PRDM16: variants seen among roughly 807,000 people sequenced by gnomAD.
The protein encoded by PRDM16 is histone-lysine N-methyltransferase PRDM16.
A neutral mutation model predicts 110.6 loss-of-function variants in PRDM16; 23 were observed. The ratio of observed to expected loss-of-function variants is 0.21; its 90% CI spans 0.15 to 0.29. The LOEUF (loss-of-function observed/expected upper bound fraction) is 0.29. PRDM16 is among the 10% of genes least tolerant of loss of function. PRDM16 has a pLI of 1.00. For missense variants in PRDM16, 1,615 were observed against 1,794.3 expected (o/e 0.90, Z 1.81); for synonymous variants, 799 against 781.8 (o/e 1.02, Z -0.37).
intron 3 of PRDM16, among the ~76,000 whole-genome samples, chr1:3,273,043 T>C (rs1640493517): frequency 6.6e-6 from 1 of 151,978 alleles, no homozygotes; most frequent in Non-Finnish European, 1.5e-5. Flanking sequence ...GCAGCCGGAG[T>C]CTGCGTGGGA....
intron 3 of PRDM16, among the ~76,000 whole-genome samples, chr1:3,320,416 T>C (rs1641713686): frequency 6.6e-6 from 1 of 152,210 alleles, no homozygotes; most frequent in Non-Finnish European, 1.5e-5. Context: ...CTGCAAAGGC[T>C]GTGTGCCCAG....
chr1:3,171,010 C>T (rs889213230), intron 1 of PRDM16, among the ~76,000 whole-genome samples: 2 of 152,252 alleles, frequency 1.3e-5, no homozygotes, highest in African/African-American at 4.8e-5. Flanking sequence ...AGCCTCGCTG[C>T]AGTCCCTAAG....
At chr1:3,293,151 G>T (rs1557586765) in intron 3 of PRDM16, among the ~76,000 whole-genome samples, 2 of 152,214 alleles carry the variant, frequency 1.3e-5, no homozygotes, top group East Asian at 3.8e-4. Context: ...GCTCAGACAC[G>T]TGTTGAGTGA....
At chr1:3,409,754 GGTGTGA>G (rs1557659442) in intron 8 of PRDM16, among the ~76,000 whole-genome samples, 2 of 134,750 alleles carry the variant, frequency 1.5e-5, no homozygotes, top group Admixed American at 7.3e-5. Context: ...GTGTGGTGTG[GGTGTGA>G]GTGTGTGTGG....
intron 3 of PRDM16, among the ~76,000 whole-genome samples, chr1:3,289,328 G>T (rs1257147038): frequency 6.6e-6 from 1 of 152,238 alleles, no homozygotes; most frequent in Non-Finnish European, 1.5e-5. Context: ...ATCTGCAGGT[G>T]GGCAAGCTCT....
chr1:3,429,870 T>A (rs1185431698), intron 14 of PRDM16, among the ~76,000 whole-genome samples: 1 of 151,918 alleles, frequency 6.6e-6, no homozygotes, highest in Non-Finnish European at 1.5e-5. Context: ...GACACGGAGG[T>A]CGGTCGCCGT....
In PRDM16 at chr1:3,360,612, G is replaced by T. The variant is rs557426899; in HGVS notation, c.439-24540G>T. 1.0e-3 allele frequency among the ~76,000 whole-genome samples: 154 copies of T among 152,324 alleles called. No homozygotes were observed. The East Asian group carries it at 0.011, about 11-fold the overall frequency. ...AGAGACCCCCGCTCACAGCAGAGGA[G>T]GAGGGCCATCAGAGCCAGGTGCCAC... On this transcript the variant is annotated intron_variant, in intron 3 of 16. Transcript: ENST00000270722.
intron 3 of PRDM16, among the ~76,000 whole-genome samples, chr1:3,248,294 C>A (rs1163443145): frequency 6.6e-6 from 1 of 152,226 alleles, no homozygotes; most frequent in African/African-American, 2.4e-5. Flanking sequence ...CATGGCCCGG[C>A]AGCCTTTCCC....
chr1:3,345,811 C>T (rs918534549), intron 3 of PRDM16, among the ~76,000 whole-genome samples: 2 of 74,352 alleles, frequency 2.7e-5, no homozygotes, highest in East Asian at 3.9e-4. Flanking sequence ...CTTGGTTCCT[C>T]CTGTGCTGCC....
chr1:3,418,845 T>C, intron 12 of PRDM16, 101 bp downstream of exon 12: 1 of 913,936 alleles, frequency 1.1e-6, no homozygotes, highest in Middle Eastern at 2.2e-4. Flanking sequence ...GGCTCCCTGC[T>C]GGAGTGAGCA....
At chr1:3,405,293 G>A (rs555675875) in intron 7 of PRDM16, among the ~76,000 whole-genome samples, 9 of 152,328 alleles carry the variant, frequency 5.9e-5, no homozygotes, top group Admixed American at 1.3e-4. Flanking sequence ...GAAAGCAGCC[G>A]GGGAGGCTCT....
intron 1 of PRDM16, among the ~76,000 whole-genome samples, chr1:3,139,854 C>G (rs2100699090): frequency 6.6e-6 from 1 of 152,356 alleles, no homozygotes; most frequent in Admixed American, 6.5e-5. Context: ...TCCTAAGACA[C>G]CCAGCCACCT....
At chr1:3,409,665 G>GTATC (rs1643635725) in intron 8 of PRDM16, among the ~76,000 whole-genome samples, 4 of 151,480 alleles carry the variant, frequency 2.6e-5, no homozygotes, top group African/African-American at 7.3e-5. Context: ...TGTGGTGTGC[G>GTATC]TGTCTGTGGT....
At position 3,437,385 on chromosome 1, in the gene PRDM16, A is replaced by G. The variant is rs2493264; in HGVS notation, c.*3574A>G. The G allele has an allele frequency of 0.93, 215,087 of 232,236 alleles. 99,979 individuals are homozygous for G. The highest frequency in any genetic ancestry group is 0.99 in the Middle Eastern group (780 of 790). 14.4% of individuals were successfully genotyped at this position (232,236 alleles called of 1,614,324 possible). ...TCACGTATTTTAGACTCGAAGCCTC[A>G]AAGCACTGGATTGTGGTCCCCTGCC... On this transcript the variant is annotated 3_prime_UTR_variant, in exon 17 of 17. Transcript: ENST00000270722.
At chr1:3,200,336 A>ATT (rs113899911) in intron 2 of PRDM16, among the ~76,000 whole-genome samples, 7 of 150,770 alleles carry the variant, frequency 4.6e-5, no homozygotes, top group South Asian at 2.1e-4. Context: ...CTTAAGGTGG[A>ATT]TTTTTTTTTT....
chr1:3,109,113 T>A (rs1239682037), intron 1 of PRDM16, among the ~76,000 whole-genome samples: 1 of 140,584 alleles, frequency 7.1e-6, no homozygotes, highest in Non-Finnish European at 1.5e-5. Context: ...ATAATAATAA[T>A]AATGTCAAAC....
Position 3,411,706 on chromosome 1 carries a change from G to A in PRDM16, c.1509G>A (p.Ala503=), listed in dbSNP as rs558211792. The A allele has an allele frequency of 1.3e-5, 21 of 1,609,868 alleles. No individual in the cohort carries two copies. Among genetic ancestry groups the A allele is most frequent in the African/African-American group, 9.3e-5 (7 of 74,930 alleles). ...PHPGSLPFST[A]PPTFPALTPG... is the part of the protein sequence containing the mutation. ...CGGGGAGCCTGCCCTTCTCCACGGC[G>A]CCTCCCACGTTCCCCGCACTCACCC... is the stretch of plus-strand genomic sequence containing the variant. The change falls in exon 9 of 17, where the codon GCG becomes GCA. Residue 503 remains alanine, a synonymous_variant. Transcript: ENST00000270722.
intron 1 of PRDM16, among the ~76,000 whole-genome samples, chr1:3,102,406 G>T (rs796948890): frequency 6.6e-6 from 1 of 152,104 alleles, no homozygotes; most frequent in Non-Finnish European, 1.5e-5. Context: ...CCACCTCTGG[G>T]GTCCTCATGG....
chr1:3,083,974 C>T (rs1241374816), intron 1 of PRDM16, among the ~76,000 whole-genome samples: 2 of 152,236 alleles, frequency 1.3e-5, no homozygotes, highest in Non-Finnish European at 2.9e-5. Context: ...GAGATCAGAT[C>T]AGGAGACCCT....
Sources: gnomAD v4.1 joint callset for allele counts (sites outside exome capture counted in the v4.1 genomes callset) on GRCh38, gnomAD v4.1.1 for gene constraint, MANE v1.5 for transcripts, NCBI Gene and HGNC (gene_info 2026-07-23, HGNC 2026-07-21) for gene names.